The following CDK7 variants were observed in gnomAD, a reference collection of about 807,000 sequenced individuals.
CDK7 encodes cyclin-dependent kinase 7.
Under a neutral mutation model 49.1 loss-of-function variants are expected in CDK7, and 25 were observed. The ratio of observed to expected loss-of-function variants is 0.51; its 90% CI spans 0.37 to 0.71. The LOEUF (loss-of-function observed/expected upper bound fraction) is 0.71. Ranked by LOEUF, CDK7 falls within the 30% of genes least tolerant of loss-of-function variation. The pLI, the probability that CDK7 is intolerant of heterozygous loss-of-function variation, is 0.00. For missense variants in CDK7, 316 were observed against 411.7 expected (o/e 0.77, Z 2.01); for synonymous variants, 107 against 140.0 (o/e 0.76, Z 1.67).
At chr5:69,249,280 C>A (rs1369972953) in intron 2 of CDK7, among the ~76,000 whole-genome samples, 1 of 152,170 alleles carries the variant, frequency 6.6e-6, no homozygotes, top group East Asian at 1.9e-4. Flanking sequence ...GTGGCTCATG[C>A]CTGTAATCCC....
chr5:69,240,722 GGTTCAAGCA>G (rs1298438886), intron 2 of CDK7, among the ~76,000 whole-genome samples: 3 of 152,200 alleles, frequency 2.0e-5, no homozygotes, highest in African/African-American at 7.2e-5. Flanking sequence ...CCGCCTCCCA[GGTTCAAGCA>G]GTTCTCCTGC....
At chr5:69,273,353 T>C (rs1479624868) in intron 10 of CDK7, among the ~76,000 whole-genome samples, 1 of 152,196 alleles carries the variant, frequency 6.6e-6, no homozygotes, top group Middle Eastern at 3.2e-3. Context: ...CAAGGCTTTT[T>C]ATTTGTTAAG....
chr5:69,261,509 T>C (rs931375690), intron 7 of CDK7, among the ~76,000 whole-genome samples: 27 of 138,932 alleles, frequency 1.9e-4, no homozygotes, highest in African/African-American at 6.7e-4. Flanking sequence ...TGTGTGTGTG[T>C]GTGTGTGTGT....
At chr5:69,265,607 T>C (rs571705535) in intron 8 of CDK7, among the ~76,000 whole-genome samples, 1 of 152,270 alleles carries the variant, frequency 6.6e-6, no homozygotes, top group East Asian at 1.9e-4. Context: ...TACAATTTAT[T>C]ACATCAGAAA....
intron 11 of CDK7, among the ~76,000 whole-genome samples, 162 bp downstream of exon 11, chr5:69,276,852 T>C (rs1752202015): frequency 6.6e-6 from 1 of 152,270 alleles, no homozygotes; most frequent in Non-Finnish European, 1.5e-5. Flanking sequence ...GTTTTAGGTA[T>C]GTTTACTTTC....
chr5:69,261,587 A>G (rs1020605722), intron 7 of CDK7, among the ~76,000 whole-genome samples: 1 of 151,012 alleles, frequency 6.6e-6, no homozygotes, highest in African/African-American at 2.4e-5. Flanking sequence ...CTGGAGTGCA[A>G]TGGCGCGATC....
Position 69,257,549 on chromosome 5 carries a change from G to A in CDK7, c.298-494G>A, listed in dbSNP as rs2972363. Among the ~76,000 whole-genome samples, 1,587 of 152,270 alleles carry A rather than the reference G, an allele frequency of 0.01. 116 individuals are homozygous for A. In the East Asian group the frequency reaches 0.2, roughly 19 times the overall value. On this transcript the variant is annotated intron_variant, in intron 5 of 11. Transcript: ENST00000256443. ...TAGAGTTTAATAATACCTGAGGAAC[G>A]AAAGTGCTTTCTTTTCTTTGATTCT...
chr5:69,237,709 G>C (rs1420619210), intron 2 of CDK7, among the ~76,000 whole-genome samples: 1 of 152,096 alleles, frequency 6.6e-6, no homozygotes, highest in Non-Finnish European at 1.5e-5. Context: ...CCAGCACTTT[G>C]GGAGCTCGAG....
At chr5:69,272,439 A>G (rs1199945846) in intron 9 of CDK7, among the ~76,000 whole-genome samples, 1 of 152,192 alleles carries the variant, frequency 6.6e-6, no homozygotes. Context: ...TAGGATTTTG[A>G]TAAAAATTAC....
chr5:69,276,578 G>A lies in CDK7; in HGVS notation c.900G>A (p.Gly300=). The A allele has an allele frequency of 6.2e-7, 1 of 1,613,520 alleles. No homozygotes were observed. The highest frequency in any genetic ancestry group is 8.5e-7 in the Non-Finnish European group (1 of 1,180,006). ...LKMKYFSNRP[G]PTPGCQLPRP... is the part of the protein sequence containing the mutation. Reference sequence around the variant, plus strand: ...TGAAGTATTTCAGTAATCGGCCAGGGCCAACACCTGGATGTCAGCTGCCAA... The same window carrying A: ...TGAAGTATTTCAGTAATCGGCCAGGACCAACACCTGGATGTCAGCTGCCAA... Residue 300 remains glycine, a synonymous_variant, in exon 11 of 12, where the codon GGG becomes GGA. Coordinates refer to ENST00000256443, the MANE Select transcript of CDK7 (RefSeq NM_001799.4).
At chr5:69,259,755 T>G in intron 6 of CDK7, 63 bp from the exon 7 acceptor site, 1 of 959,474 alleles carries the variant, frequency 1.0e-6, no homozygotes, top group African/African-American at 1.6e-5. Context: ...GCCAACTAAA[T>G]GTAGCACTAC....
chr5:69,256,371 T>C (rs1426672742), intron 5 of CDK7, among the ~76,000 whole-genome samples: 2 of 152,180 alleles, frequency 1.3e-5, no homozygotes, highest in African/African-American at 4.8e-5. Context: ...TTTGTTTTTT[T>C]GAGACAGAGT....
intron 10 of CDK7, among the ~76,000 whole-genome samples, chr5:69,275,978 A>G (rs1752092099): frequency 6.6e-6 from 1 of 152,192 alleles, no homozygotes; most frequent in Non-Finnish European, 1.5e-5. Context: ...TAGATAAGAT[A>G]TATTCAGCCT....
chr5:69,256,912 GTTTGGC>G (rs944582407), intron 5 of CDK7, among the ~76,000 whole-genome samples: 17 of 152,008 alleles, frequency 1.1e-4, no homozygotes, highest in Admixed American at 1.1e-3. Context: ...TGGTACAGAT[GTTTGGC>G]TTTATTAATA....
In CDK7 at chr5:69,235,232, T is replaced by C. The variant is rs573950794; in HGVS notation, c.67-162T>C. On this transcript the variant is annotated intron_variant, in intron 1 of 11. Coordinates refer to ENST00000256443, the MANE Select transcript of CDK7 (RefSeq NM_001799.4). The stretch of plus-strand genomic sequence containing the variant: ...GAATCCCTGAGGGGCCTCTCCTTGC[T>C]GAAGAGTAGCCTGGAGCTGGACGGA... 2.7e-4 allele frequency: 208 copies of C among 760,354 alleles called. 2 individuals are homozygous for C. The South Asian group carries it at 2.8e-3, about 10-fold the overall frequency. 47.1% of individuals were successfully genotyped at this position (760,354 alleles called of 1,614,324 possible). A position where few individuals can be genotyped will look rare whatever the true frequency, so the allele number is the denominator to read the frequency against.
intron 2 of CDK7, among the ~76,000 whole-genome samples, chr5:69,244,564 C>T (rs573301775): frequency 1.4e-5 from 2 of 140,834 alleles, no homozygotes; most frequent in South Asian, 2.3e-4. Flanking sequence ...TGAACCTGGG[C>T]GGTGGAGGTT....
chr5:69,260,689 A>G (rs961292603), intron 7 of CDK7, among the ~76,000 whole-genome samples: 1 of 152,132 alleles, frequency 6.6e-6, no homozygotes, highest in African/African-American at 2.4e-5. Context: ...TTCCATTTGT[A>G]TTTTTGATGT....
chr5:69,242,046 C>T (rs1341882898), intron 2 of CDK7, among the ~76,000 whole-genome samples: 2 of 152,134 alleles, frequency 1.3e-5, no homozygotes, highest in Admixed American at 6.5e-5. Context: ...AAGTCTTCAA[C>T]TTAAGTCTTT....
chr5:69,259,393 CTT>C (rs1418990509), intron 6 of CDK7, among the ~76,000 whole-genome samples: 2 of 152,206 alleles, frequency 1.3e-5, no homozygotes, highest in South Asian at 2.1e-4. Context: ...TGGAATCCCT[CTT>C]AGGTTATTGC....
Sources: allele counts gnomAD v4.1 joint callset (sites outside exome capture counted in the v4.1 genomes callset), GRCh38; gene constraint gnomAD v4.1.1; transcripts MANE v1.5; gene names NCBI Gene and HGNC (gene_info 2026-07-23, HGNC 2026-07-21).